PFKFB3: variants seen among roughly 807,000 people sequenced by gnomAD.
PFKFB3 encodes the protein 6-phosphofructo-2-kinase/fructose-2,6-bisphosphatase 3.
PFKFB3 carries 33 observed loss-of-function variants against 68.0 expected under a neutral mutation model. The ratio of observed to expected loss-of-function variants is 0.49; its 90% CI spans 0.37 to 0.65. The LOEUF is 0.65. PFKFB3 is among the 30% of genes least tolerant of loss of function. The pLI, the probability that PFKFB3 is intolerant of heterozygous loss-of-function variation, is 0.00. For missense variants in PFKFB3, 586 were observed against 712.2 expected (o/e 0.82, Z 2.02); for synonymous variants, 315 against 288.2 (o/e 1.09, Z -0.94).
At chr10:6,262,915 G>T in the PFKFB3 span, among the ~76,000 whole-genome samples, 7 of 152,172 alleles carry the variant, frequency 4.6e-5, no homozygotes, top group African/African-American at 1.4e-4. Flanking sequence ...GATGAGATTG[G>T]TTCCAGGGGA....
chr10:6,183,601 C>CAA (rs773888395), intron 1 of PFKFB3, among the ~76,000 whole-genome samples: 4,610 of 127,614 alleles, frequency 0.036, 108 homozygotes, highest in Non-Finnish European at 0.045. Context: ...CCAGCCTGGT[C>CAA]AAAAAAAAAA....
upstream of PFKFB3, among the ~76,000 whole-genome samples, chr10:6,201,732 G>A (rs1843366471): frequency 6.6e-6 from 1 of 152,278 alleles, no homozygotes; most frequent in African/African-American, 2.4e-5. This position sits in a 1 kb window ranked among gnomAD's most constrained non-coding sequence, Gnocchi z 4.1. Context: ...TCACAGCCCA[G>A]CCTCAGCGCT....
At chr10:6,231,082 T>G (rs1036473734) in intron 14 of PFKFB3, among the ~76,000 whole-genome samples, 1 of 152,140 alleles carries the variant, frequency 6.6e-6, no homozygotes. Flanking sequence ...CCGGACCTGG[T>G]GCTCTGGGGT....
At chr10:6,321,768 T>C in the PFKFB3 span, among the ~76,000 whole-genome samples, 449 of 152,332 alleles carry the variant, frequency 2.9e-3, 10 homozygotes, top group Non-Finnish European at 7.6e-4. Flanking sequence ...GGCTTCACAA[T>C]GAATTGCAAA....
At chr10:6,193,244 G>A (rs117922900) in intron 1 of PFKFB3, among the ~76,000 whole-genome samples, 2,305 of 152,282 alleles carry the variant, frequency 0.015, 20 homozygotes, top group Non-Finnish European at 0.025. Context: ...CCAGATACTC[G>A]GGAGGCTGAA....
chr10:6,205,360 G>A (rs948398511), intron 1 of PFKFB3, among the ~76,000 whole-genome samples: 3 of 149,838 alleles, frequency 2.0e-5, no homozygotes, highest in Non-Finnish European at 4.4e-5. Flanking sequence ...AATGGCATTT[G>A]GGACATTGGG....
At chr10:6,259,184 T>C (rs200078885), downstream of PFKFB3, among the ~76,000 whole-genome samples, 6 of 138,442 alleles carry the variant, frequency 4.3e-5, no homozygotes, top group Non-Finnish European at 9.6e-5. Flanking sequence ...CCCATCCATC[T>C]ATCCATCCAT....
intron 14 of PFKFB3, chr10:6,231,140 G>T (rs1452140898): frequency 4.0e-6 from 3 of 746,122 alleles, no homozygotes; most frequent in Non-Finnish European, 7.0e-6. Context: ...AGATCACCTG[G>T]CATTTGTGAT....
the PFKFB3 span, among the ~76,000 whole-genome samples, chr10:6,276,864 G>A: frequency 2.0e-5 from 3 of 151,286 alleles, no homozygotes; most frequent in African/African-American, 7.4e-5. Context: ...GTGTGTGTGT[G>A]TGTAGTTGTA....
chr10:6,208,471 C>G (rs1379601722), intron 1 of PFKFB3, among the ~76,000 whole-genome samples: 1 of 143,668 alleles, frequency 7.0e-6, no homozygotes, highest in East Asian at 2.2e-4. Context: ...GAAATTGAGT[C>G]TGAAGAAAGG....
the PFKFB3 span, among the ~76,000 whole-genome samples, chr10:6,261,504 A>T: frequency 3.9e-5 from 6 of 152,230 alleles, no homozygotes; most frequent in Non-Finnish European, 8.8e-5. Flanking sequence ...CAAAGCAGGG[A>T]ACTGCAGACA....
At chr10:6,315,765 C>A in the PFKFB3 span, among the ~76,000 whole-genome samples, 1 of 152,206 alleles carries the variant, frequency 6.6e-6, no homozygotes, top group African/African-American at 2.4e-5. Context: ...GGATTATAGG[C>A]GTGAACCACC....
At chr10:6,166,821 C>CTTTTTTTTT (rs144747290) in intron 1 of PFKFB3, among the ~76,000 whole-genome samples, 27 of 95,252 alleles carry the variant, frequency 2.8e-4, no homozygotes, top group South Asian at 8.1e-4. Flanking sequence ...CCTTCTTCTT[C>CTTTTTTTTT]TTTTTTTTTT....
the PFKFB3 span, among the ~76,000 whole-genome samples, chr10:6,271,809 T>TC: frequency 1.3e-5 from 2 of 152,166 alleles, no homozygotes; most frequent in East Asian, 3.8e-4. Flanking sequence ...GTGTGCTTTC[T>TC]CCCCCACACT....
intron 1 of PFKFB3, among the ~76,000 whole-genome samples, chr10:6,183,601 CAAAAA>C (rs773888395): frequency 0.02 from 2,605 of 127,810 alleles, 28 homozygotes; most frequent in East Asian, 0.033. Context: ...CCAGCCTGGT[CAAAAA>C]AAAAAAAAAT....
chr10:6,154,093 C>G lies in PFKFB3; in HGVS notation c.16+9080C>G, dbSNP rs1489178673. Among the ~76,000 whole-genome samples the G allele has an allele frequency of 5.9e-5, 9 of 152,170 alleles. No individual in the cohort carries two copies. The highest frequency in any genetic ancestry group is 2.2e-4 in the African/African-American group (9 of 41,448). ...AGGAACCTGCGGGCCAGCACCGCTT[C>G]TGCAGGGTGAGAGGGTGGAAGCCAG... On this transcript the variant is annotated intron_variant, in intron 1 of 14. Coordinates refer to the PFKFB3 transcript ENST00000379789. This position sits in a 1 kb window ranked among gnomAD's most constrained non-coding sequence, Gnocchi z 4.6.
At chr10:6,297,685 A>C in the PFKFB3 span, among the ~76,000 whole-genome samples, 1 of 152,146 alleles carries the variant, frequency 6.6e-6, no homozygotes, top group Non-Finnish European at 1.5e-5. Context: ...TTTGAGCTGG[A>C]AGCTTCTTGT....
chr10:6,203,176 C>G lies in PFKFB3; in HGVS notation c.-85C>G. On this transcript the variant is annotated 5_prime_UTR_variant, in exon 1 of 15. Coordinates refer to ENST00000379775, the MANE Select transcript of PFKFB3 (RefSeq NM_004566.4). ...CGCCGGCGCACGCCCCCCTCTCCTCCTTTGTTCCGGGGGTCGGCGGCCGCT... is the reference window on the plus strand; with the variant it reads ...CGCCGGCGCACGCCCCCCTCTCCTCGTTTGTTCCGGGGGTCGGCGGCCGCT... The G allele has an allele frequency of 6.4e-7, 1 of 1,550,820 alleles. No homozygotes were observed. The highest frequency in any genetic ancestry group is 8.7e-7 in the Non-Finnish European group (1 of 1,148,818).
chr10:6,144,940 T>G (rs1301495044), exon 1 of PFKFB3: 2 of 1,234,592 alleles, frequency 1.6e-6, no homozygotes, highest in Admixed American at 4.3e-5. Flanking sequence ...GGCTGCCGCT[T>G]GGACGTCGTC....
Sources: allele counts gnomAD v4.1 joint callset (sites outside exome capture counted in the v4.1 genomes callset), GRCh38; gene constraint gnomAD v4.1.1; non-coding constraint Gnocchi (gnomAD v3.1); transcripts MANE v1.5; gene names NCBI Gene and HGNC (gene_info 2026-07-23, HGNC 2026-07-21).